IVD: variants seen among roughly 807,000 people sequenced by gnomAD.
IVD encodes the protein isovaleryl-CoA dehydrogenase, mitochondrial.
In IVD, 31 loss-of-function variants were observed where a neutral mutation model predicts 51.3. The ratio of observed to expected loss-of-function variants is 0.60; its 90% CI spans 0.45 to 0.81. IVD has a LOEUF of 0.81. IVD is among the 40% of genes least tolerant of loss of function. The probability of loss-of-function intolerance (pLI) is 0.00; values close to 1 mark genes in which losing one functional copy is unlikely to be tolerated. For synonymous variants in IVD, 205 were observed against 219.4 expected, an observed-to-expected ratio of 0.93 and a Z score of 0.58; for missense variants, 475 against 552.0, an observed-to-expected ratio of 0.86 and a Z score of 1.40.
intron 8 of IVD, chr15:40,433,935 G>A (rs1893124332): frequency 2.2e-6 from 1 of 456,480 alleles, no homozygotes; most frequent in African/African-American, 2.0e-5. Context: ...AGATTGGCAT[G>A]AGAATGCAAC....
rs867509911 is a variant in IVD at position 40,420,019 on chromosome 15, G to A, written c.*1756G>A. 4 of 468,874 alleles carry A rather than the reference G, an allele frequency of 8.5e-6. No homozygotes were observed. The highest frequency in any genetic ancestry group is 1.1e-5 in the Non-Finnish European group (4 of 357,772). 29.0% of individuals were successfully genotyped at this position (468,874 alleles called of 1,614,324 possible). ...CACAGAAGACTGAGGCAGGAGAATC[G>A]CTTGAACGCAGGAGGCAGAGGTTGC... is the stretch of plus-strand genomic sequence containing the variant. On this transcript the variant is annotated 3_prime_UTR_variant, in exon 12 of 12. Transcript: ENST00000487418.
chr15:40,409,295 G>T (rs1369022672), intron 3 of IVD, among the ~76,000 whole-genome samples: 1 of 152,062 alleles, frequency 6.6e-6, no homozygotes, highest in Non-Finnish European at 1.5e-5. Context: ...GAGTGACTCG[G>T]GAGGCCAAGG....
intron 9 of IVD, 127 bp downstream of exon 9, chr15:40,415,609 G>C: frequency 1.2e-6 from 1 of 804,780 alleles, no homozygotes; most frequent in Non-Finnish European, 2.1e-6. Context: ...TTGACTGCTT[G>C]GAATGCAGTC....
intron 7 of IVD, among the ~76,000 whole-genome samples, chr15:40,432,377 G>A (rs1813592792): frequency 6.6e-6 from 1 of 152,154 alleles, no homozygotes; most frequent in African/African-American, 2.4e-5. Flanking sequence ...AGCTTTCCTA[G>A]GTCAGAAGCA....
chr15:40,406,297 T>G (rs1890405438), intron 1 of IVD: 3 of 1,408,574 alleles, frequency 2.1e-6, no homozygotes, highest in East Asian at 3.5e-5. Flanking sequence ...CTACCGCTTG[T>G]GGCACAAGGG....
At chr15:40,415,297 C>G in intron 8 of IVD, 104 bp from the exon 9 acceptor site, 1 of 1,048,228 alleles carries the variant, frequency 9.5e-7, no homozygotes. Flanking sequence ...TCTGAAGTTG[C>G]TTTTCTCCTC....
At chr15:40,432,738 G>C (rs1205982777) in intron 7 of IVD, among the ~76,000 whole-genome samples, 1 of 152,252 alleles carries the variant, frequency 6.6e-6, no homozygotes, top group Admixed American at 6.5e-5. Flanking sequence ...CCCTGGCCTT[G>C]GGAGGATGGA....
At chr15:40,409,888 G>A (rs921905572) in intron 3 of IVD, among the ~76,000 whole-genome samples, 24 of 148,172 alleles carry the variant, frequency 1.6e-4, no homozygotes, top group African/African-American at 5.5e-4. Context: ...CCAGGCTGGA[G>A]TGCAGTGGCG....
chr15:40,419,100 C>T lies in IVD; in HGVS notation c.*837C>T, dbSNP rs544709780. On this transcript the variant is annotated 3_prime_UTR_variant, in exon 12 of 12. Coordinates refer to ENST00000487418, the MANE Select transcript of IVD (RefSeq NM_002225.5). ...GCAGTGAGCCGAGCTTGTGCCATTG[C>T]ACTCCAGCCTGGGCGACAAGAGCAA... The T allele has an allele frequency of 3.2e-6, 4 of 1,242,354 alleles. No homozygotes were observed. The East Asian group carries it at 2.2e-4, about 70-fold the overall frequency. The allele number at this position is 1,242,354 out of a possible 1,614,324, so 77.0% of individuals were successfully genotyped here.
At chr15:40,423,920 G>GC (rs1027855087), downstream of IVD, among the ~76,000 whole-genome samples, 1 of 152,136 alleles carries the variant, frequency 6.6e-6, no homozygotes, top group Non-Finnish European at 1.5e-5. Context: ...CCCAACCCCT[G>GC]CCCACACTTG....
intron 1 of IVD, chr15:40,406,434 A>G (rs1213086297): frequency 2.2e-6 from 2 of 921,318 alleles, no homozygotes; most frequent in African/African-American, 3.4e-5. Flanking sequence ...AAAAAGCCAC[A>G]GTGAGCTCTC....
Position 40,412,974 on chromosome 15 carries a change from T to C in IVD, c.688-17T>C. The C allele has an allele frequency of 6.2e-7, 1 of 1,609,420 alleles. No homozygotes were observed. Among genetic ancestry groups the C allele is most frequent in the South Asian group, 1.1e-5 (1 of 91,010 alleles). On this transcript the variant is annotated splice_polypyrimidine_tract_variant and intron_variant, in intron 6 of 11. Coordinates refer to ENST00000487418, the MANE Select transcript of IVD (RefSeq NM_002225.5). ...GGGCTAATCTGTAACCAGGACCACC[T>C]TTTGTTTCCTGTAAAGGGTATGCCT...
At position 40,412,985 on chromosome 15, in the gene IVD, G is replaced by A. The variant is rs770402490; in HGVS notation, c.688-6G>A. The A allele has an allele frequency of 1.9e-6, 3 of 1,613,298 alleles. No individual in the cohort carries two copies. Among genetic ancestry groups the A allele is most frequent in the Non-Finnish European group, 2.5e-6 (3 of 1,179,250 alleles). ...TAACCAGGACCACCTTTTGTTTCCT[G>A]TAAAGGGTATGCCTGGCTTTAGCAC... On this transcript the variant is annotated splice_region_variant and splice_polypyrimidine_tract_variant and intron_variant, in intron 6 of 11. Coordinates refer to ENST00000487418, the MANE Select transcript of IVD (RefSeq NM_002225.5).
rs1026993277 is a variant in IVD, at chr15:40,419,150, C to CA, written c.*894dup. On this transcript the variant is annotated 3_prime_UTR_variant, in exon 12 of 12. Coordinates refer to ENST00000487418, the MANE Select transcript of IVD (RefSeq NM_002225.5). The stretch of plus-strand genomic sequence containing the variant: ...AAACTCTTCAAAAAACAAAACAAAA[C>CA]AAAAAAACCCTGGCCCTTGTTTCTT... 3.4e-5 allele frequency: 44 copies of CA among 1,288,728 alleles called. No individual in the cohort carries two copies. The highest frequency in any genetic ancestry group is 4.2e-5 in the Non-Finnish European group (42 of 988,726). 79.8% of individuals were successfully genotyped at this position (1,288,728 alleles called of 1,614,324 possible). A position where few individuals can be genotyped will look rare whatever the true frequency, so the allele number is the denominator to read the frequency against.
chr15:40,419,217 A>G lies in IVD; in HGVS notation c.*954A>G, dbSNP rs765927012. ...TCAGCTCCTAGCAGCTTATGAACAC[A>G]TATGCTTGCTTGGCCAGGCAAGGTG... On this transcript the variant is annotated 3_prime_UTR_variant, in exon 12 of 12. Coordinates refer to ENST00000487418, the MANE Select transcript of IVD (RefSeq NM_002225.5). The G allele has an allele frequency of 1.9e-4, 248 of 1,288,992 alleles. No homozygotes were observed. Among genetic ancestry groups the G allele is most frequent in the Non-Finnish European group, 2.4e-4 (234 of 988,840 alleles). The allele number at this position is 1,288,992 out of a possible 1,614,324, so 79.8% of individuals were successfully genotyped here.
downstream of IVD, among the ~76,000 whole-genome samples, chr15:40,428,650 G>A (rs560237064): frequency 1.3e-5 from 2 of 152,248 alleles, no homozygotes; most frequent in East Asian, 3.9e-4. Context: ...TTGTATTGCA[G>A]TTTTTCTGCC....
At chr15:40,416,010 G>A in intron 9 of IVD, 68 bp from the exon 10 acceptor site, 2 of 1,435,116 alleles carry the variant, frequency 1.4e-6, no homozygotes, top group East Asian at 2.3e-5. Flanking sequence ...TGTTGCCATT[G>A]CTGACCTGCT....
rs1890979102 is a variant in IVD at position 40,410,727 on chromosome 15, A to G, written c.386A>G (p.His129Arg). 1 of 1,614,010 alleles carries G rather than the reference A, an allele frequency of 6.2e-7. No homozygotes were observed. Among genetic ancestry groups the G allele is most frequent in the Admixed American group, 1.7e-5 (1 of 59,998 alleles). ...GCAGTGGGGCTCAGTTACGGTGCCC[A>G]CTCCAACCTCTGCATCAACCAGCTT... is the stretch of plus-strand genomic sequence containing the variant. ...SGAVGLSYGA[H>R]SNLCINQLVR... Residue 129 changes from histidine (H) to arginine (R), a missense_variant, in exon 4 of 12, where the codon CAC becomes CGC. His to Arg is a conservative substitution (Grantham distance 29). Coordinates refer to ENST00000487418, the MANE Select transcript of IVD (RefSeq NM_002225.5).
chr15:40,425,259 T>C (rs1360172567), downstream of IVD, among the ~76,000 whole-genome samples: 1 of 152,114 alleles, frequency 6.6e-6, no homozygotes, highest in African/African-American at 2.4e-5. Flanking sequence ...CGCAGGTCAA[T>C]GAAGACAGTA....
Sources: allele counts gnomAD v4.1 joint callset (sites outside exome capture counted in the v4.1 genomes callset), GRCh38; gene constraint gnomAD v4.1.1; transcripts MANE v1.5; gene names NCBI Gene and HGNC (gene_info 2026-07-23, HGNC 2026-07-21).